Variants in ANO10 observed in about 807,000 individuals in gnomAD.
ANO10 encodes the protein anoctamin 10.
In ANO10, 77 loss-of-function variants were observed where a neutral mutation model predicts 74.7. The ratio of observed to expected loss-of-function variants is 1.03; its 90% CI spans 0.86 to 1.25. The LOEUF (loss-of-function observed/expected upper bound fraction) is 1.25. ANO10 is among the 50% of genes most tolerant of loss of function. ANO10 has a pLI of 0.00. For missense variants in ANO10, 721 were observed against 778.1 expected, an observed-to-expected ratio of 0.93 and a Z score of 0.87; for synonymous variants, 279 against 284.9, an observed-to-expected ratio of 0.98 and a Z score of 0.21.
At chr3:43,369,674 A>G (rs1463103839) in intron 12 of ANO10, among the ~76,000 whole-genome samples, 3 of 152,100 alleles carry the variant, frequency 2.0e-5, no homozygotes, top group African/African-American at 7.2e-5. Context: ...TCTCCCTCCC[A>G]GGGCCATGGT....
At chr3:43,573,048 A>C (rs1171184478) in intron 7 of ANO10, among the ~76,000 whole-genome samples, 1 of 152,078 alleles carries the variant, frequency 6.6e-6, no homozygotes, top group Non-Finnish European at 1.5e-5. Context: ...ATCATCAGAG[A>C]ATAATAAAGT....
intron 1 of ANO10, among the ~76,000 whole-genome samples, chr3:43,651,394 C>T (rs1480053544): frequency 6.6e-6 from 1 of 152,134 alleles, no homozygotes; most frequent in South Asian, 2.1e-4. Flanking sequence ...AGAACAGCTG[C>T]TGTGTTTAAT....
intron 12 of ANO10, among the ~76,000 whole-genome samples, chr3:43,406,388 T>C (rs1162146755): frequency 6.6e-6 from 1 of 152,222 alleles, no homozygotes; most frequent in Non-Finnish European, 1.5e-5. Flanking sequence ...ATAAATATCA[T>C]GACGACATTT....
chr3:43,597,529 G>A (rs531378707), intron 4 of ANO10, among the ~76,000 whole-genome samples: 12 of 152,000 alleles, frequency 7.9e-5, no homozygotes, highest in East Asian at 3.9e-4. Context: ...ACCAAACACC[G>A]CATGTTCTCA....
chr3:43,552,809 T>G (rs1172377547), intron 10 of ANO10, among the ~76,000 whole-genome samples: 1 of 151,526 alleles, frequency 6.6e-6, no homozygotes. Flanking sequence ...TATTTTCTTT[T>G]TGAGATGGAG....
At chr3:43,584,988 G>T (rs751320848) in intron 4 of ANO10, among the ~76,000 whole-genome samples, 9 of 152,066 alleles carry the variant, frequency 5.9e-5, no homozygotes, top group Non-Finnish European at 1.2e-4. Flanking sequence ...CAAGTAAGAT[G>T]AAAATAGCTT....
chr3:43,593,867 T>C (rs975969908), intron 4 of ANO10, among the ~76,000 whole-genome samples: 15 of 152,046 alleles, frequency 9.9e-5, no homozygotes, highest in Non-Finnish European at 2.1e-4. Context: ...AGGAGACCCA[T>C]CTCACATGCA....
At chr3:43,663,117 G>C (rs1427871516) in intron 1 of ANO10, among the ~76,000 whole-genome samples, 2 of 152,190 alleles carry the variant, frequency 1.3e-5, no homozygotes, top group Non-Finnish European at 1.5e-5. Context: ...CAATATCCCT[G>C]ATGAACATTG....
intron 11 of ANO10, among the ~76,000 whole-genome samples, chr3:43,457,881 T>C (rs963864807): frequency 6.6e-6 from 1 of 152,170 alleles, no homozygotes; most frequent in Non-Finnish European, 1.5e-5. Context: ...GTGGTGTACC[T>C]GGGGCTTGAG....
rs368902140 is a variant in ANO10, at chr3:43,691,052, G to T, written c.-12+465C>A. ...ACACCGGAGAGAGGTAAGCGCAGCC[G>T]GCAGGGGGCTTCGTGTGTCTCCGGC... On this transcript the variant is annotated intron_variant, in intron 1 of 3. Transcript: ENST00000413397. 4 of 1,546,394 alleles carry T rather than the reference G, an allele frequency of 2.6e-6. No individual in the cohort carries two copies. Among genetic ancestry groups the T allele is most frequent in the Non-Finnish European group, 2.6e-6 (3 of 1,147,598 alleles).
chr3:43,621,413 T>C (rs1412650379), intron 1 of ANO10, among the ~76,000 whole-genome samples: 5 of 152,074 alleles, frequency 3.3e-5, no homozygotes, highest in Non-Finnish European at 5.9e-5. Flanking sequence ...CAAACCTGCT[T>C]GGAGACAGCC....
intron 11 of ANO10, among the ~76,000 whole-genome samples, chr3:43,495,779 C>A (rs1176029425): frequency 1.3e-5 from 2 of 152,060 alleles, no homozygotes; most frequent in African/African-American, 4.8e-5. Context: ...CGGCTCACTG[C>A]AACCTCTGCT....
intron 11 of ANO10, among the ~76,000 whole-genome samples, chr3:43,529,357 T>G (rs2078352837): frequency 6.6e-6 from 1 of 152,210 alleles, no homozygotes; most frequent in Non-Finnish European, 1.5e-5. Flanking sequence ...AGAACTCTTC[T>G]TGAGAAATCT....
intron 10 of ANO10, among the ~76,000 whole-genome samples, chr3:43,552,080 G>A (rs1279832969): frequency 6.6e-6 from 1 of 152,088 alleles, no homozygotes; most frequent in East Asian, 1.9e-4. Flanking sequence ...ATGTTCCTGA[G>A]TATATCTTTT....
chr3:43,504,940 G>C (rs1177290183), intron 11 of ANO10, among the ~76,000 whole-genome samples: 4 of 152,108 alleles, frequency 2.6e-5, no homozygotes, highest in African/African-American at 9.7e-5. Flanking sequence ...GTGCCCAGCA[G>C]AAAGAAAATT....
chr3:43,478,887 T>C (rs1284849291), intron 11 of ANO10, among the ~76,000 whole-genome samples: 1 of 152,202 alleles, frequency 6.6e-6, no homozygotes, highest in Non-Finnish European at 1.5e-5. Context: ...TTAGAGCATC[T>C]AAAAGCAAAC....
At chr3:43,656,768 C>T (rs1232810691) in intron 1 of ANO10, among the ~76,000 whole-genome samples, 4 of 152,224 alleles carry the variant, frequency 2.6e-5, no homozygotes, top group Admixed American at 1.3e-4. Flanking sequence ...AGCTGGCCCT[C>T]AAGTGCTGCA....
At chr3:43,420,453 A>AAAAAAG (rs543076867) in intron 12 of ANO10, among the ~76,000 whole-genome samples, 8 of 152,122 alleles carry the variant, frequency 5.3e-5, no homozygotes, top group Non-Finnish European at 8.8e-5. Flanking sequence ...ACCCTGTCTC[A>AAAAAAG]AAAAAGAAAA....
Position 43,649,802 on chromosome 3 carries a change from T to A in ANO10, c.-12+41715A>T, listed in dbSNP as rs574291988. On this transcript the variant is annotated intron_variant, in intron 1 of 3. Transcript: ENST00000413397. Reference sequence around the variant, plus strand: ...GTTCCCTGACCCCCCTTGCAGGACGTGCGACAGGGGTGTGGCTTGTCTGTT... The same window carrying A: ...GTTCCCTGACCCCCCTTGCAGGACGAGCGACAGGGGTGTGGCTTGTCTGTT... 4.7e-4 allele frequency among the ~76,000 whole-genome samples: 71 copies of A among 152,318 alleles called. 2 individuals are homozygous for A. The highest frequency in any genetic ancestry group is 1.6e-3 in the African/African-American group (66 of 41,570).
Sources: gnomAD v4.1 joint callset for allele counts (sites outside exome capture counted in the v4.1 genomes callset) on GRCh38, gnomAD v4.1.1 for gene constraint, MANE v1.5 for transcripts, NCBI Gene and HGNC (gene_info 2026-07-23, HGNC 2026-07-21) for gene names.